GPC6: variants seen among roughly 807,000 people sequenced by gnomAD.
GPC6 encodes glypican 6, also known as glypican-6.
Under a neutral mutation model 55.2 loss-of-function variants are expected in GPC6, and 14 were observed. That is an observed-to-expected ratio of 0.25 (90% CI 0.17 to 0.40). The LOEUF (loss-of-function observed/expected upper bound fraction) is 0.40. Among genes scored for constraint, GPC6 ranks in the 10% least tolerant of loss-of-function variants. The pLI, the probability that GPC6 is intolerant of heterozygous loss-of-function variation, is 1.00. For synonymous variants in GPC6, 278 were observed against 259.6 expected (o/e 1.07, Z -0.68); for missense variants, 641 against 708.5 (o/e 0.90, Z 1.08).
chr13:94,192,977 C>G (rs769506420), intron 4 of GPC6, among the ~76,000 whole-genome samples: 3 of 151,792 alleles, frequency 2.0e-5, no homozygotes, highest in Non-Finnish European at 2.9e-5. Context: ...AAAAATGAAG[C>G]CTTATTTTTG....
chr13:93,658,255 A>G (rs970881522), intron 2 of GPC6, among the ~76,000 whole-genome samples: 1 of 151,928 alleles, frequency 6.6e-6, no homozygotes, highest in African/African-American at 2.4e-5. Context: ...TTTCTCTTAC[A>G]ATTCATTGTT....
At chr13:93,266,223 T>A (rs1877319365) in intron 1 of GPC6, among the ~76,000 whole-genome samples, 1 of 152,252 alleles carries the variant, frequency 6.6e-6, no homozygotes, top group Non-Finnish European at 1.5e-5. Context: ...TAATTTTACC[T>A]ACCACAAGTG....
chr13:94,306,442 C>T (rs1419848191), intron 6 of GPC6, among the ~76,000 whole-genome samples: 2 of 152,168 alleles, frequency 1.3e-5, no homozygotes, highest in Non-Finnish European at 1.5e-5. Context: ...ATTGCAATAG[C>T]ACATTTCTTA....
chr13:93,586,097 T>C (rs530549965), intron 2 of GPC6, among the ~76,000 whole-genome samples: 3 of 152,278 alleles, frequency 2.0e-5, no homozygotes, highest in South Asian at 4.1e-4. Flanking sequence ...TTATTTTTCC[T>C]GATCCTCTCC....
At chr13:93,601,245 G>T (rs1056413142) in intron 2 of GPC6, among the ~76,000 whole-genome samples, 1 of 151,912 alleles carries the variant, frequency 6.6e-6, no homozygotes, top group Non-Finnish European at 1.5e-5. Flanking sequence ...TTAACCAGGT[G>T]TGATGGTGTG....
At chr13:93,243,164 A>G (rs995889752) in intron 1 of GPC6, among the ~76,000 whole-genome samples, 11 of 152,210 alleles carry the variant, frequency 7.2e-5, no homozygotes, top group African/African-American at 2.4e-4. Context: ...TGCAAGGGCT[A>G]GAGATGCCAA....
chr13:93,945,023 T>A (rs1358483379), intron 3 of GPC6, among the ~76,000 whole-genome samples: 1 of 152,178 alleles, frequency 6.6e-6, no homozygotes. Context: ...GGCTTGTTTG[T>A]CTTCTACTGA....
At chr13:93,699,282 A>G (rs1227110934) in intron 2 of GPC6, among the ~76,000 whole-genome samples, 3 of 152,114 alleles carry the variant, frequency 2.0e-5, no homozygotes, top group African/African-American at 7.2e-5. Flanking sequence ...GAAGGAAGCA[A>G]AAATATACAA....
intron 4 of GPC6, among the ~76,000 whole-genome samples, chr13:94,042,381 A>G (rs923352987): frequency 1.3e-5 from 2 of 151,878 alleles, no homozygotes; most frequent in East Asian, 1.9e-4. Flanking sequence ...TACTACAACA[A>G]TAAGACCAAG....
chr13:93,638,213 T>C (rs1326228220), intron 2 of GPC6, among the ~76,000 whole-genome samples: 12 of 152,084 alleles, frequency 7.9e-5, no homozygotes, highest in Admixed American at 7.9e-4. Context: ...ATCAACAAAA[T>C]GGGCATAACA....
At chr13:94,248,298 A>C (rs1891256223) in intron 4 of GPC6, among the ~76,000 whole-genome samples, 1 of 152,088 alleles carries the variant, frequency 6.6e-6, no homozygotes, top group African/African-American at 2.4e-5. Context: ...AGCAACATCT[A>C]CGTTTGGATG....
At chr13:93,927,712 G>A (rs1283785451) in intron 3 of GPC6, among the ~76,000 whole-genome samples, 7 of 150,820 alleles carry the variant, frequency 4.6e-5, no homozygotes, top group African/African-American at 1.7e-4. Flanking sequence ...AAGAATTGGT[G>A]CATGATAACA....
intron 7 of GPC6, among the ~76,000 whole-genome samples, chr13:94,382,986 G>A (rs1420813775): frequency 1.3e-5 from 2 of 152,086 alleles, no homozygotes; most frequent in African/African-American, 2.4e-5. Context: ...AAAAATTGAA[G>A]TGTTCATTGG....
intron 1 of GPC6, among the ~76,000 whole-genome samples, chr13:93,527,896 T>C (rs1311001234): frequency 2.0e-5 from 3 of 152,202 alleles, no homozygotes; most frequent in Non-Finnish European, 4.4e-5. Context: ...TATACACTTA[T>C]AGACTGTACC....
intron 3 of GPC6, among the ~76,000 whole-genome samples, chr13:93,987,715 C>A (rs1881095150): frequency 6.6e-6 from 1 of 152,114 alleles, no homozygotes; most frequent in African/African-American, 2.4e-5. Context: ...CTGTGACCCC[C>A]CTTCTTTTAC....
At chr13:94,316,716 CAAAAAAAA>C (rs56304226) in intron 6 of GPC6, among the ~76,000 whole-genome samples, 2 of 105,078 alleles carry the variant, frequency 1.9e-5, no homozygotes, top group Non-Finnish European at 4.0e-5. Context: ...GACTCCGTCT[CAAAAAAAA>C]AAAAAAAAAA....
At chr13:93,548,549 G>A (rs1002681884) in intron 2 of GPC6, among the ~76,000 whole-genome samples, 4 of 151,802 alleles carry the variant, frequency 2.6e-5, no homozygotes, top group South Asian at 2.1e-4. Flanking sequence ...ATTCCAATAC[G>A]GTTAACTTAA....
intron 1 of GPC6, among the ~76,000 whole-genome samples, chr13:93,312,654 A>G (rs1879113536): frequency 6.6e-6 from 1 of 152,178 alleles, no homozygotes; most frequent in Admixed American, 6.6e-5. Flanking sequence ...ATATGCCTAT[A>G]GTGAACCATT....
At chr13:93,937,432 T>C (rs914803988) in intron 3 of GPC6, among the ~76,000 whole-genome samples, 1 of 152,202 alleles carries the variant, frequency 6.6e-6, no homozygotes, top group African/African-American at 2.4e-5. Context: ...GAATGTCTTC[T>C]GGGACATAAC....
Sources: allele counts gnomAD v4.1 joint callset (sites outside exome capture counted in the v4.1 genomes callset), GRCh38; gene constraint gnomAD v4.1.1; transcripts MANE v1.5; gene names NCBI Gene and HGNC (gene_info 2026-07-23, HGNC 2026-07-21).